The following COMMD1 variants were observed in gnomAD, a reference collection of about 807,000 sequenced individuals.
COMMD1 encodes the protein COMM domain-containing protein 1.
A neutral mutation model predicts 17.2 loss-of-function variants in COMMD1; 10 were observed. The observed-to-expected ratio is 0.58, with a 90% CI of 0.36 to 0.99. COMMD1 has a LOEUF of 0.99. Ranked by LOEUF, COMMD1 falls within the 50% of genes least tolerant of loss-of-function variation. COMMD1 has a pLI of 0.01. For synonymous variants in COMMD1, 97 were observed against 91.6 expected (o/e 1.06, Z -0.34); for missense variants, 270 against 231.8 (o/e 1.17, Z -1.07).
chr2:62,065,341 T>G lies in COMMD1; in HGVS notation c.462+64359T>G, dbSNP rs1458045185. On this transcript the variant is annotated intron_variant, in intron 2 of 2. Transcript: ENST00000311832. Reference sequence around the variant, plus strand: ...AGTGACATTTTATATGTACTTACTTTTTTTTTTTTTTTTTTTTTTTTTTAG... The same window carrying G: ...AGTGACATTTTATATGTACTTACTTGTTTTTTTTTTTTTTTTTTTTTTTAG... Among the ~76,000 whole-genome samples, 6 of 105,852 alleles carry G rather than the reference T, an allele frequency of 5.7e-5. No homozygotes were observed. In the East Asian group the frequency reaches 1.3e-3, roughly 22 times the overall value. 69.4% of individuals were successfully genotyped at this position (105,852 alleles called of 152,430 possible). A position where few individuals can be genotyped will look rare whatever the true frequency, so the allele number is the denominator to read the frequency against.
chr2:61,970,820 A>G (rs866729642), intron 1 of COMMD1, among the ~76,000 whole-genome samples: 3 of 152,178 alleles, frequency 2.0e-5, no homozygotes, highest in South Asian at 2.1e-4. Context: ...ACAATATTTT[A>G]TCTAGTTTGT....
At chr2:61,960,245 A>T (rs988682455) in intron 1 of COMMD1, among the ~76,000 whole-genome samples, 2 of 152,166 alleles carry the variant, frequency 1.3e-5, no homozygotes, top group Non-Finnish European at 2.9e-5. Context: ...TTTTTACTTT[A>T]TACTTCTTCT....
At chr2:62,029,723 A>G (rs13395297) in intron 2 of COMMD1, among the ~76,000 whole-genome samples, 47 of 152,280 alleles carry the variant, frequency 3.1e-4, no homozygotes, top group African/African-American at 1.1e-3. Context: ...TTTCTCTGAC[A>G]CCTGTATTTC....
chr2:61,896,225 A>G (rs1483431438), intron 1 of COMMD1, among the ~76,000 whole-genome samples: 3 of 152,194 alleles, frequency 2.0e-5, no homozygotes, highest in African/African-American at 7.2e-5. Context: ...CTCCAATGCA[A>G]CAGCGTTGGG....
intron 2 of COMMD1, among the ~76,000 whole-genome samples, chr2:62,022,625 A>G (rs905810214): frequency 6.7e-5 from 10 of 150,140 alleles, no homozygotes; most frequent in Non-Finnish European, 1.2e-4. Flanking sequence ...ATAGCTGCAT[A>G]TCACTTTTTT....
intron 1 of COMMD1, among the ~76,000 whole-genome samples, chr2:61,950,508 A>G (rs1304874956): frequency 6.6e-6 from 1 of 152,202 alleles, no homozygotes; most frequent in Non-Finnish European, 1.5e-5. Context: ...GGATTCCTCT[A>G]TGTTCCAAGA....
intron 1 of COMMD1, among the ~76,000 whole-genome samples, chr2:61,940,707 A>C (rs1186097192): frequency 3.4e-5 from 5 of 146,160 alleles, no homozygotes; most frequent in African/African-American, 7.6e-5. Flanking sequence ...TTTTTTTTTG[A>C]GGCAGAGTCT....
At chr2:61,913,816 A>AAAAAG (rs756118056) in intron 1 of COMMD1, among the ~76,000 whole-genome samples, 2,263 of 99,942 alleles carry the variant, frequency 0.023, 124 homozygotes, top group East Asian at 0.036. Context: ...AAAAAAAAAA[A>AAAAAG]AGAAAAGTGT....
At chr2:61,913,959 CAGG>C (rs1279038269) in intron 1 of COMMD1, among the ~76,000 whole-genome samples, 1 of 152,236 alleles carries the variant, frequency 6.6e-6, no homozygotes, top group East Asian at 1.9e-4. Context: ...ATCATGAGGT[CAGG>C]AGATCAAGAC....
chr2:61,979,837 C>T (rs1429040401), intron 1 of COMMD1, among the ~76,000 whole-genome samples: 4 of 140,972 alleles, frequency 2.8e-5, no homozygotes, highest in East Asian at 2.1e-4. Context: ...CATGCTGGTG[C>T]GCTGCACCCA....
chr2:61,964,244 A>G (rs915077486), intron 1 of COMMD1, among the ~76,000 whole-genome samples: 5 of 151,844 alleles, frequency 3.3e-5, no homozygotes, highest in African/African-American at 1.2e-4. Context: ...TTTTTGAGAC[A>G]GGGTCTTGCT....
At chr2:62,025,455 A>G (rs542192370) in intron 2 of COMMD1, among the ~76,000 whole-genome samples, 191 of 150,418 alleles carry the variant, frequency 1.3e-3, no homozygotes, top group Non-Finnish European at 2.0e-3. Context: ...GCTTAAGCCC[A>G]GGAGTTAGAG....
At chr2:62,025,699 T>G (rs1669735995) in intron 2 of COMMD1, among the ~76,000 whole-genome samples, 1 of 152,174 alleles carries the variant, frequency 6.6e-6, no homozygotes. Flanking sequence ...TAAATTATTT[T>G]GTTTTTGGAG....
intron 2 of COMMD1, among the ~76,000 whole-genome samples, chr2:62,095,479 G>C (rs1302488884): frequency 6.6e-6 from 1 of 151,852 alleles, no homozygotes; most frequent in Admixed American, 6.6e-5. Context: ...CACTTTTTCT[G>C]GGTAGCCCTG....
chr2:62,074,435 A>G (rs1433014796), intron 2 of COMMD1, among the ~76,000 whole-genome samples: 1 of 152,218 alleles, frequency 6.6e-6, no homozygotes, highest in Non-Finnish European at 1.5e-5. Flanking sequence ...TTGCCTCATT[A>G]GTTTAAACTA....
intron 2 of COMMD1, among the ~76,000 whole-genome samples, chr2:62,007,369 A>C (rs1669151265): frequency 6.6e-6 from 1 of 152,216 alleles, no homozygotes; most frequent in Admixed American, 6.5e-5. Flanking sequence ...TCTGTATTAA[A>C]AACTCAGCAA....
chr2:61,926,680 G>C lies in COMMD1; in HGVS notation c.180+20822G>C, dbSNP rs192097887. Among the ~76,000 whole-genome samples the C allele has an allele frequency of 4.7e-3, 721 of 152,194 alleles. 1 individual carries two copies. The Middle Eastern group carries it at 0.051, about 11-fold the overall frequency. ...ACTGAGCTTGAGACAATACAAAGTT[G>C]GCTTTTTCCTTTACTTCCTCTTTTC... On this transcript the variant is annotated intron_variant, in intron 1 of 2. Coordinates refer to ENST00000311832, the MANE Select transcript of COMMD1 (RefSeq NM_152516.4).
chr2:61,990,419 C>T (rs1672216238), intron 1 of COMMD1, among the ~76,000 whole-genome samples: 1 of 152,112 alleles, frequency 6.6e-6, no homozygotes, highest in African/African-American at 2.4e-5. Flanking sequence ...GGGCACACTG[C>T]CTGACACCTG....
intron 2 of COMMD1, among the ~76,000 whole-genome samples, chr2:62,091,810 C>A (rs1392536194): frequency 6.6e-6 from 1 of 152,190 alleles, no homozygotes; most frequent in African/African-American, 2.4e-5. Flanking sequence ...AACTGATAAT[C>A]CCCAATATCT....
Sources: allele counts gnomAD v4.1 joint callset (sites outside exome capture counted in the v4.1 genomes callset), GRCh38; gene constraint gnomAD v4.1.1; transcripts MANE v1.5; gene names NCBI Gene and HGNC (gene_info 2026-07-23, HGNC 2026-07-21).